TCF7L2: variants seen among roughly 807,000 people sequenced by gnomAD.
TCF7L2 encodes the protein transcription factor 7 like 2.
TCF7L2 carries 23 observed loss-of-function variants against 77.9 expected under a neutral mutation model. The ratio of observed to expected loss-of-function variants is 0.30; its 90% CI spans 0.21 to 0.42. The LOEUF (loss-of-function observed/expected upper bound fraction) is 0.42. Among genes scored for constraint, TCF7L2 ranks in the 10% least tolerant of loss-of-function variants. The pLI is 1.00. For synonymous variants in TCF7L2, 413 were observed against 340.2 expected, an observed-to-expected ratio of 1.21 and a Z score of -2.36; for missense variants, 654 against 793.1, an observed-to-expected ratio of 0.82 and a Z score of 2.11.
chr10:113,102,355 A>G (rs1460583526), intron 5 of TCF7L2, among the ~76,000 whole-genome samples: 1 of 151,662 alleles, frequency 6.6e-6, no homozygotes, highest in African/African-American at 2.4e-5. Context: ...ATTTGAATGA[A>G]TTACAGTATA....
chr10:113,084,827 C>T (rs1243347764), intron 5 of TCF7L2, among the ~76,000 whole-genome samples: 6 of 150,436 alleles, frequency 4.0e-5, no homozygotes, highest in Non-Finnish European at 8.9e-5. Flanking sequence ...ACCCGGGAGG[C>T]GGAGGTTGCA....
At chr10:112,966,811 A>C (rs2037029942) in intron 4 of TCF7L2, among the ~76,000 whole-genome samples, 1 of 152,174 alleles carries the variant, frequency 6.6e-6, no homozygotes, top group African/African-American at 2.4e-5. Flanking sequence ...TAAATTACAG[A>C]GCTCATTGTT....
chr10:113,165,847 G>A lies in TCF7L2; in HGVS notation c.1684G>A (p.Ala562Thr), dbSNP rs529966412. 1.7e-5 allele frequency: 27 copies of A among 1,607,156 alleles called. 1 individual carries two copies. The South Asian group carries it at 2.3e-4, about 14-fold the overall frequency. The change falls in exon 14 of 14, where the codon GCT (alanine) becomes ACT (threonine). Residue 562 changes from alanine (A) to threonine (T), a missense_variant. Ala to Thr is a moderately conservative substitution (Grantham distance 58, BLOSUM62 0). This residue lies in a region of TCF7L2 where 272 missense variants were observed against 215.4 expected (regional missense o/e 1.26). Coordinates refer to ENST00000627217, the MANE Select transcript of TCF7L2 (RefSeq NM_001146274.2). ...CGGGGCCCTGGACCTGCCCCCAGCC[G>A]CTTTGCAGCCTGCCGCCCCCTCCTC...
chr10:113,154,018 G>A (rs1443692523), intron 11 of TCF7L2, among the ~76,000 whole-genome samples: 1 of 152,240 alleles, frequency 6.6e-6, no homozygotes, highest in Non-Finnish European at 1.5e-5. Flanking sequence ...GTTGAATCAG[G>A]AAGGAGTGCT....
chr10:113,089,642 A>G, intron 5 of TCF7L2: 4 of 1,407,364 alleles, frequency 2.8e-6, no homozygotes, highest in Non-Finnish European at 3.8e-6. Context: ...ATCCACTGCG[A>G]TCCCTGAATT....
chr10:113,137,767 GT>G (rs752502163), intron 5 of TCF7L2, among the ~76,000 whole-genome samples: 47 of 152,318 alleles, frequency 3.1e-4, no homozygotes, highest in Non-Finnish European at 5.9e-4. Flanking sequence ...CAATTTGGTG[GT>G]TCTTCTGCAG....
chr10:113,117,414 T>C (rs868238852), intron 5 of TCF7L2, among the ~76,000 whole-genome samples: 56 of 41,326 alleles, frequency 1.4e-3, no homozygotes, highest in South Asian at 2.3e-3. Flanking sequence ...TCTCTCTCTC[T>C]CTCTCTCTCT....
At chr10:113,000,976 A>G (rs1430367495) in intron 4 of TCF7L2, among the ~76,000 whole-genome samples, 1 of 152,214 alleles carries the variant, frequency 6.6e-6, no homozygotes, top group African/African-American at 2.4e-5. Flanking sequence ...ATGTGTGAAC[A>G]GGGTTTTGAC....
intron 5 of TCF7L2, among the ~76,000 whole-genome samples, chr10:113,102,100 C>T (rs1450118384): frequency 9.6e-6 from 1 of 104,702 alleles, no homozygotes; most frequent in Non-Finnish European, 1.7e-5. Flanking sequence ...GGTGACAGAG[C>T]GTGACTCCAT....
intron 5 of TCF7L2, among the ~76,000 whole-genome samples, chr10:113,120,451 A>C (rs2136276132): frequency 6.6e-6 from 1 of 152,294 alleles, no homozygotes; most frequent in South Asian, 2.1e-4. Context: ...GGGGATTGGT[A>C]CTGGTAGAGT....
intron 4 of TCF7L2, among the ~76,000 whole-genome samples, chr10:112,973,836 C>T (rs537144860): frequency 5.0e-4 from 76 of 152,256 alleles, no homozygotes; most frequent in African/African-American, 1.4e-3. Context: ...GTAATCTGCC[C>T]GCCTTGGCCT....
chr10:113,099,078 G>C (rs1459540776), intron 5 of TCF7L2, among the ~76,000 whole-genome samples: 2 of 152,112 alleles, frequency 1.3e-5, no homozygotes, highest in Non-Finnish European at 2.9e-5. Context: ...GGCAAGTCTT[G>C]GTTGGATTTT....
chr10:113,018,045 T>A (rs965976744), intron 4 of TCF7L2, among the ~76,000 whole-genome samples: 2 of 152,172 alleles, frequency 1.3e-5, no homozygotes, highest in African/African-American at 4.8e-5. Context: ...GATGGCACAG[T>A]GCTGGGTGCT....
chr10:113,059,858 C>T (rs2056131957), intron 5 of TCF7L2, among the ~76,000 whole-genome samples: 1 of 152,140 alleles, frequency 6.6e-6, no homozygotes, highest in South Asian at 2.1e-4. Flanking sequence ...AGATTGTTTT[C>T]TCCTTAATTA....
chr10:113,005,631 G>A lies in TCF7L2; in HGVS notation c.451-34394G>A, dbSNP rs61872774. Among the ~76,000 whole-genome samples, 1,439 of 152,260 alleles carry A rather than the reference G, an allele frequency of 9.5e-3. 7 individuals carry two copies. Among genetic ancestry groups the A allele is most frequent in the Middle Eastern group, 0.031 (9 of 294 alleles). On this transcript the variant is annotated intron_variant, in intron 4 of 13. Transcript: ENST00000627217. ...CCCCTGCCACCCTGTTTGCGCAAGG[G>A]TTTGAGATTGTGTGGCCCCTCCTTG...
At chr10:112,955,872 T>C (rs2033425200) in intron 3 of TCF7L2, among the ~76,000 whole-genome samples, 1 of 152,132 alleles carries the variant, frequency 6.6e-6, no homozygotes, top group Non-Finnish European at 1.5e-5. Context: ...ACTAGCATTT[T>C]AATAGTTGCA....
chr10:113,032,282 T>C (rs1218382368), intron 4 of TCF7L2, among the ~76,000 whole-genome samples: 7 of 152,328 alleles, frequency 4.6e-5, no homozygotes, highest in Non-Finnish European at 1.0e-4. Flanking sequence ...ACCACTAACC[T>C]GTCAAATGCA....
intron 5 of TCF7L2, among the ~76,000 whole-genome samples, chr10:113,057,298 G>A (rs1356526839): frequency 6.6e-6 from 1 of 152,220 alleles, no homozygotes; most frequent in Admixed American, 6.5e-5. Flanking sequence ...GTCTCCAGAA[G>A]AGCTCGGATT....
intron 4 of TCF7L2, among the ~76,000 whole-genome samples, chr10:113,005,145 T>C (rs1212539720): frequency 6.6e-6 from 1 of 152,210 alleles, no homozygotes; most frequent in Non-Finnish European, 1.5e-5. Flanking sequence ...GAATGATGAA[T>C]GCATGCATGA....
Sources: gnomAD v4.1 joint callset for allele counts (sites outside exome capture counted in the v4.1 genomes callset) on GRCh38, gnomAD v4.1.1 for gene constraint, gnomAD v4.1.1 regional missense constraint, MANE v1.5 for transcripts, NCBI Gene and HGNC (gene_info 2026-07-23, HGNC 2026-07-21) for gene names.